Variants in GALNTL6 observed in about 807,000 individuals in gnomAD.
GALNTL6 encodes the protein polypeptide N-acetylgalactosaminyltransferase like 6, also known as polypeptide N-acetylgalactosaminyltransferase-like 6.
In GALNTL6, 46 loss-of-function variants were observed where a neutral mutation model predicts 73.7. That is an observed-to-expected ratio of 0.62 (90% confidence interval 0.49 to 0.80). GALNTL6 has a LOEUF of 0.80. Ranked by LOEUF, GALNTL6 falls within the 30% of genes least tolerant of loss-of-function variation. GALNTL6 has a pLI of 0.00. For missense variants in GALNTL6, 604 were observed against 755.0 expected, an observed-to-expected ratio of 0.80 and a Z score of 2.34; for synonymous variants, 259 against 263.7, an observed-to-expected ratio of 0.98 and a Z score of 0.17.
intron 3 of GALNTL6, among the ~76,000 whole-genome samples, chr4:172,254,557 A>AT (rs1392962986): frequency 9.9e-5 from 15 of 151,716 alleles, no homozygotes; most frequent in Non-Finnish European, 2.1e-4. Context: ...TTTGCTTTTC[A>AT]TTATCCACTT....
At chr4:172,470,960 C>T (rs116761310) in intron 5 of GALNTL6, among the ~76,000 whole-genome samples, 4 of 152,292 alleles carry the variant, frequency 2.6e-5, no homozygotes, top group Non-Finnish European at 5.9e-5. Flanking sequence ...CAGTTCATAG[C>T]TCAAGGCTGA....
chr4:172,030,463 C>A (rs1360442297), intron 2 of GALNTL6, among the ~76,000 whole-genome samples: 2 of 152,002 alleles, frequency 1.3e-5, no homozygotes, highest in Non-Finnish European at 2.9e-5. Flanking sequence ...GTAATCCCAG[C>A]ACTTTGGGAG....
At chr4:172,762,399 A>T (rs1738161492) in intron 5 of GALNTL6, among the ~76,000 whole-genome samples, 1 of 151,956 alleles carries the variant, frequency 6.6e-6, no homozygotes, top group East Asian at 1.9e-4. Context: ...ATGCTAGTGA[A>T]GGGGGATCAA....
intron 2 of GALNTL6, among the ~76,000 whole-genome samples, chr4:171,883,780 T>C (rs1736528395): frequency 6.6e-6 from 1 of 151,996 alleles, no homozygotes; most frequent in South Asian, 2.1e-4. Context: ...CCCGAGTAGC[T>C]GGGACTACAG....
intron 2 of GALNTL6, among the ~76,000 whole-genome samples, chr4:172,102,128 G>C (rs965446859): frequency 2.6e-5 from 4 of 152,140 alleles, no homozygotes; most frequent in African/African-American, 9.7e-5. Context: ...GCAGTAGTTT[G>C]CAAAATAATT....
chr4:172,549,443 G>A (rs1170322714), intron 5 of GALNTL6, among the ~76,000 whole-genome samples: 1 of 152,040 alleles, frequency 6.6e-6, no homozygotes, highest in Non-Finnish European at 1.5e-5. Context: ...CCTTACGCAT[G>A]TCATTTAACT....
intron 5 of GALNTL6, among the ~76,000 whole-genome samples, chr4:172,753,806 G>C (rs1737575257): frequency 6.6e-6 from 1 of 152,076 alleles, no homozygotes; most frequent in South Asian, 2.1e-4. Flanking sequence ...TTTAGTTTGA[G>C]CCATAATTTT....
At chr4:172,931,440 T>C (rs1325279081) in intron 9 of GALNTL6, among the ~76,000 whole-genome samples, 172 bp downstream of exon 9, 1 of 152,240 alleles carries the variant, frequency 6.6e-6, no homozygotes, top group East Asian at 1.9e-4. Flanking sequence ...TAATGCTATT[T>C]CTTGTTACAA....
rs371048063 is a variant in GALNTL6 at position 172,019,395 on chromosome 4, G to T, written c.138+204677G>T. Among the ~76,000 whole-genome samples the T allele has an allele frequency of 6.6e-5, 10 of 151,830 alleles. No individual in the cohort carries two copies. The East Asian group carries it at 9.7e-4, about 15-fold the overall frequency. On this transcript the variant is annotated intron_variant, in intron 2 of 12. Coordinates refer to ENST00000506823, the MANE Select transcript of GALNTL6 (RefSeq NM_001034845.3). ...TTATAGATGAATGGATTAAAAAAAA[G>T]ACCCAATAATCTGTTGCCTATGAGA...
chr4:171,837,354 A>G (rs1392306965), intron 2 of GALNTL6, among the ~76,000 whole-genome samples: 1 of 152,012 alleles, frequency 6.6e-6, no homozygotes, highest in Admixed American at 6.6e-5. Flanking sequence ...AGAGTGAACT[A>G]GATCACATTT....
chr4:172,679,976 G>T (rs1343450744), intron 5 of GALNTL6, among the ~76,000 whole-genome samples: 2 of 151,630 alleles, frequency 1.3e-5, no homozygotes, highest in African/African-American at 2.4e-5. Flanking sequence ...TTTGCAGCTG[G>T]ATTCTAGTAA....
intron 2 of GALNTL6, among the ~76,000 whole-genome samples, chr4:172,037,279 A>G (rs1741954354): frequency 6.6e-6 from 1 of 152,146 alleles, no homozygotes. Context: ...AACTGCTGAG[A>G]CTAGAACTCT....
intron 2 of GALNTL6, among the ~76,000 whole-genome samples, chr4:172,173,516 C>G (rs1308169726): frequency 6.6e-6 from 1 of 152,180 alleles, no homozygotes; most frequent in African/African-American, 2.4e-5. Context: ...TCTGCGTGGG[C>G]CAACCTCCCC....
intron 5 of GALNTL6, among the ~76,000 whole-genome samples, chr4:172,537,651 T>A (rs1477570961): frequency 6.7e-6 from 1 of 149,686 alleles, no homozygotes; most frequent in African/African-American, 2.5e-5. Context: ...TTTGTCTAAG[T>A]TTTTTTTTAT....
intron 5 of GALNTL6, among the ~76,000 whole-genome samples, chr4:172,430,604 A>T (rs1057390045): frequency 6.6e-6 from 1 of 152,158 alleles, no homozygotes. Context: ...TAAAAAGAAT[A>T]GGAGACATAA....
intron 5 of GALNTL6, among the ~76,000 whole-genome samples, chr4:172,463,046 A>G (rs1732673600): frequency 6.6e-6 from 1 of 152,214 alleles, no homozygotes; most frequent in Non-Finnish European, 1.5e-5. Flanking sequence ...TAAGATATCT[A>G]AAACCTGATT....
intron 2 of GALNTL6, among the ~76,000 whole-genome samples, chr4:171,853,752 C>T (rs1257920188): frequency 1.3e-5 from 2 of 151,588 alleles, no homozygotes; most frequent in Admixed American, 6.6e-5. Flanking sequence ...GCTGGGACTA[C>T]AGGTGCCCAC....
At chr4:172,242,163 C>G (rs2110994979) in intron 3 of GALNTL6, among the ~76,000 whole-genome samples, 1 of 152,112 alleles carries the variant, frequency 6.6e-6, no homozygotes, top group South Asian at 2.1e-4. Flanking sequence ...TTTTATGGAA[C>G]TATAGATCTA....
At chr4:172,122,672 G>A (rs770096657) in intron 2 of GALNTL6, among the ~76,000 whole-genome samples, 2 of 152,188 alleles carry the variant, frequency 1.3e-5, no homozygotes, top group Non-Finnish European at 2.9e-5. Flanking sequence ...AGTTATCTCC[G>A]GTTAGGGCTT....
Sources: allele counts gnomAD v4.1 joint callset (sites outside exome capture counted in the v4.1 genomes callset), GRCh38; gene constraint gnomAD v4.1.1; transcripts MANE v1.5; gene names NCBI Gene and HGNC (gene_info 2026-07-23, HGNC 2026-07-21).